Variants in MAN2A2 observed in about 807,000 individuals in gnomAD.
MAN2A2 encodes alpha-mannosidase 2x.
MAN2A2 carries 79 observed loss-of-function variants against 126.8 expected under a neutral mutation model. The ratio of observed to expected loss-of-function variants is 0.62; its 90% CI spans 0.52 to 0.75. The LOEUF (loss-of-function observed/expected upper bound fraction) is 0.75. Among genes scored for constraint, MAN2A2 ranks in the 30% least tolerant of loss-of-function variants. The probability of loss-of-function intolerance (pLI) is 0.00; values close to 1 mark genes in which losing one functional copy is unlikely to be tolerated. For synonymous variants in MAN2A2, 671 were observed against 618.7 expected, an observed-to-expected ratio of 1.08 and a Z score of -1.25; for missense variants, 1,392 against 1,522.4, an observed-to-expected ratio of 0.91 and a Z score of 1.43.
At chr15:90,918,414 T>A in intron 21 of MAN2A2, 26 bp downstream of exon 21, 1 of 1,604,262 alleles carries the variant, frequency 6.2e-7, no homozygotes. Flanking sequence ...CGTGACATGC[T>A]GAGAGCAGAG....
rs1206244897 is a variant in MAN2A2 at position 90,905,338 on chromosome 15, T to C, written c.220T>C (p.Ser74Pro). 1 of 1,613,808 alleles carries C rather than the reference T, an allele frequency of 6.2e-7. No homozygotes were observed. Among genetic ancestry groups the C allele is most frequent in the African/African-American group, 1.3e-5 (1 of 74,918 alleles). Residue 74 changes from serine (S) to proline (P), a missense_variant, in exon 3 of 23, where the codon TCC becomes CCC. By Grantham distance (74) the Ser-to-Pro change is moderately conservative. Transcript: ENST00000559717. Reference sequence around the variant, plus strand: ...TGAGATTATCAGCCATATCAAGGACTCCGTGCTGGAGCTGACAGCCAACGC... The same window carrying C: ...TGAGATTATCAGCCATATCAAGGACCCCGTGCTGGAGCTGACAGCCAACGC... ...NHEIISHIKD[S>P]VLELTANAEG... is the part of the protein sequence containing the mutation.
At chr15:90,916,508 C>T in intron 20 of MAN2A2, 1 of 1,334,458 alleles carries the variant, frequency 7.5e-7, no homozygotes. Flanking sequence ...TCTGTGCTGC[C>T]CTCCTCTGCC....
At chr15:90,907,200 G>C in intron 7 of MAN2A2, 109 bp from the exon 8 acceptor site, 3 of 1,147,246 alleles carry the variant, frequency 2.6e-6, no homozygotes, top group Non-Finnish European at 3.8e-6. Flanking sequence ...CCTAGGTCCA[G>C]TTACAGCCTC....
chr15:90,913,850 T>C, intron 19 of MAN2A2, 95 bp downstream of exon 19: 2 of 1,431,216 alleles, frequency 1.4e-6, no homozygotes, highest in Admixed American at 2.6e-5. Flanking sequence ...CTCCCTTGCC[T>C]CTTTCTGGAC....
intron 7 of MAN2A2, 41 bp from the exon 8 acceptor site, chr15:90,907,268 G>A (rs1370410391): frequency 6.3e-7 from 1 of 1,590,924 alleles, no homozygotes; most frequent in South Asian, 1.1e-5. Flanking sequence ...GGCGTCCAGA[G>A]GCTGCCTGCT....
Position 90,903,412 on chromosome 15 carries a change from GTCCTCCT to G in MAN2A2, c.-31_-25del. 6.5e-6 allele frequency: 1 copy of G among 152,870 alleles called. No individual in the cohort carries two copies. Among genetic ancestry groups the G allele is most frequent in the Non-Finnish European group, 1.5e-5 (1 of 68,458 alleles). 9.5% of individuals were successfully genotyped at this position (152,870 alleles called of 1,614,324 possible). ...GCCCACGCTCGGCTCCGCAGTTAGC[GTCCTCCT>G]TCCTCCTGAGCAGGCAAGCGGAGCC... On this transcript the variant is annotated 5_prime_UTR_variant, in exon 1 of 23. Coordinates refer to ENST00000559717, the MANE Select transcript of MAN2A2 (RefSeq NM_006122.4).
intron 8 of MAN2A2, among the ~76,000 whole-genome samples, 189 bp from the exon 9 acceptor site, chr15:90,909,138 G>A (rs979005399): frequency 1.3e-5 from 2 of 152,182 alleles, no homozygotes; most frequent in African/African-American, 2.4e-5. Flanking sequence ...CATGTCAGCT[G>A]TCAGAACTGC....
In MAN2A2 at chr15:90,910,571, C is replaced by T. The variant is rs1375774893; in HGVS notation, c.1648C>T (p.Leu550=). The T allele has an allele frequency of 1.9e-6, 3 of 1,614,190 alleles. No homozygotes were observed. Among genetic ancestry groups the T allele is most frequent in the African/African-American group, 1.3e-5 (1 of 75,048 alleles). The change falls in exon 11 of 23, where the codon CTG becomes TTG. Residue 550 remains leucine (L), a synonymous_variant. Coordinates refer to ENST00000559717, the MANE Select transcript of MAN2A2 (RefSeq NM_006122.4). The part of the protein sequence containing the change: ...RRSGLAGRYP[L]SDFTLLTEAR... ...CTCTGGTCTGGCTGGCCGGTACCCACTGTCTGATTTCACCCTCCTGACGGA... is the reference window on the plus strand; with the variant it reads ...CTCTGGTCTGGCTGGCCGGTACCCATTGTCTGATTTCACCCTCCTGACGGA...
chr15:90,908,912 G>A (rs896922669), intron 8 of MAN2A2, among the ~76,000 whole-genome samples: 1 of 152,092 alleles, frequency 6.6e-6, no homozygotes, highest in Non-Finnish European at 1.5e-5. Flanking sequence ...CATTATATGG[G>A]TACCTACGGA....
chr15:90,904,524 AGAAG>A (rs2034100972), intron 2 of MAN2A2, among the ~76,000 whole-genome samples, 185 bp downstream of exon 2: 1 of 106,586 alleles, frequency 9.4e-6, no homozygotes, highest in African/African-American at 5.2e-5. Context: ...GATGGCGAAA[AGAAG>A]GAAGGAAGAA....
rs201522267 is a variant in MAN2A2, at chr15:90,904,346, C to G, written c.132+7C>G. On this transcript the variant is annotated splice_region_variant and intron_variant, in intron 2 of 22. Coordinates refer to ENST00000559717, the MANE Select transcript of MAN2A2 (RefSeq NM_006122.4). Reference sequence around the variant, plus strand: ...TGGTGGGAACTTCCCCCGGGTGAGTCGTGCCTGGTTGCTAATTTCTTTGTA... The same window carrying G: ...TGGTGGGAACTTCCCCCGGGTGAGTGGTGCCTGGTTGCTAATTTCTTTGTA... 23 of 1,612,056 alleles carry G rather than the reference C, an allele frequency of 1.4e-5. No individual in the cohort carries two copies. The highest frequency in any genetic ancestry group is 1.8e-5 in the Non-Finnish European group (21 of 1,178,388).
intron 7 of MAN2A2, 85 bp from the exon 8 acceptor site, chr15:90,907,224 G>T (rs1344727804): frequency 9.5e-6 from 13 of 1,361,526 alleles, no homozygotes; most frequent in African/African-American, 2.9e-5. Context: ...GTCTATCAGG[G>T]CTGCCTTTAG....
chr15:90,905,870 C>T lies in MAN2A2; in HGVS notation c.561C>T (p.Tyr187=). The part of the protein sequence containing the change: ...DPGWIKTFDK[Y]YTEQTQHILN... ...GCTGGATCAAGACCTTTGACAAGTACTACACAGAGCAGACCCAACACATCC... is the reference window on the plus strand; with the variant it reads ...GCTGGATCAAGACCTTTGACAAGTATTACACAGAGCAGACCCAACACATCC... Residue 187 remains tyrosine (Y), a synonymous_variant, in exon 5 of 23, where the codon TAC becomes TAT. Transcript: ENST00000559717. 3.2e-6 allele frequency: 5 copies of T among 1,582,196 alleles called. No homozygotes were observed. The highest frequency in any genetic ancestry group is 3.4e-6 in the Non-Finnish European group (4 of 1,163,942).
At chr15:90,908,518 A>T (rs1012814866) in intron 8 of MAN2A2, among the ~76,000 whole-genome samples, 1 of 152,140 alleles carries the variant, frequency 6.6e-6, no homozygotes, top group Non-Finnish European at 1.5e-5. Context: ...CCCATTATGT[A>T]CCAGGCACTA....
Position 90,910,501 on chromosome 15 carries a change from G to C in MAN2A2, c.1578G>C (p.Arg526=). The change falls in exon 11 of 23, where the codon CGG becomes CGC. Residue 526 remains arginine (R), a splice_region_variant and synonymous_variant. Coordinates refer to ENST00000559717, the MANE Select transcript of MAN2A2 (RefSeq NM_006122.4). ...GCAGCTAACTTCTCTCTCTGGGCAG[G>C]GGGGCAGAGGTTCTGTACAGCCTGG... is the stretch of plus-strand genomic sequence containing the variant. ...SLDRVLEAHL[R]GAEVLYSLAA... 2 of 1,613,802 alleles carry C rather than the reference G, an allele frequency of 1.2e-6. No homozygotes were observed. The highest frequency in any genetic ancestry group is 1.7e-6 in the Non-Finnish European group (2 of 1,179,972).
At position 90,910,116 on chromosome 15, in the gene MAN2A2, T is replaced by C. The variant is rs757491370; in HGVS notation, c.1401T>C (p.Tyr467=). 4 of 1,613,340 alleles carry C rather than the reference T, an allele frequency of 2.5e-6. No homozygotes were observed. The highest frequency in any genetic ancestry group is 4.5e-5 in the East Asian group (2 of 44,894). ...CCCAGTTTGGCACTCTTTCTGACTATTTTGATGCCCTGTACAAGAGGACAG... is the reference window on the plus strand; with the variant it reads ...CCCAGTTTGGCACTCTTTCTGACTACTTTGATGCCCTGTACAAGAGGACAG... ...VQAQFGTLSD[Y]FDALYKRTGV... is the part of the protein sequence containing the mutation. The change falls in exon 10 of 23, where the codon TAT becomes TAC. Residue 467 remains tyrosine (Y), a synonymous_variant. Coordinates refer to ENST00000559717, the MANE Select transcript of MAN2A2 (RefSeq NM_006122.4).
rs754919032 is a variant in MAN2A2 at position 90,913,397 on chromosome 15, T to C, written c.2709T>C (p.Asn903=). ...AGGGTATCTTCTTCACAGACCTCAA[T>C]GGCTTTCAGGTGACTCCTGGGCCTG... ...DSQGIFFTDL[N]GFQVQPRRYL... is the part of the protein sequence containing the mutation. The change falls in exon 18 of 23, where the codon AAT becomes AAC. Residue 903 remains asparagine (N), a synonymous_variant. Coordinates refer to ENST00000559717, the MANE Select transcript of MAN2A2 (RefSeq NM_006122.4). 3 of 1,588,444 alleles carry C rather than the reference T, an allele frequency of 1.9e-6. No individual in the cohort carries two copies. The highest frequency in any genetic ancestry group is 2.7e-5 in the African/African-American group (2 of 74,260).
At position 90,911,436 on chromosome 15, in the gene MAN2A2, C is replaced by T. The variant is rs373336368; in HGVS notation, c.1995C>T (p.Ser665=). 2.5e-6 allele frequency: 4 copies of T among 1,614,124 alleles called. No homozygotes were observed. Among genetic ancestry groups the T allele is most frequent in the African/African-American group, 2.7e-5 (2 of 74,938 alleles). ...PLEQERFSMV[S]LLVNSPRVRV... ...AACAGGAGCGATTCAGCATGGTGTCCCTGCTGGTCAACTCTCCCCGCGTGC... is the reference window on the plus strand; with the variant it reads ...AACAGGAGCGATTCAGCATGGTGTCTCTGCTGGTCAACTCTCCCCGCGTGC... Residue 665 remains serine (S), a synonymous_variant, in exon 14 of 23, where the codon TCC becomes TCT. Coordinates refer to ENST00000559717, the MANE Select transcript of MAN2A2 (RefSeq NM_006122.4).
rs767078385 is a variant in MAN2A2 at position 90,906,457 on chromosome 15, C to G, written c.795C>G (p.Asp265Glu). The part of the protein sequence containing the change: ...EANSHYFALI[D>E]QLIEGHQWLE... Reference sequence around the variant, plus strand: ...ATTCCCACTACTTTGCATTGATTGACCAGCTCATCGAAGGACACCAGTGGC... The same window carrying G: ...ATTCCCACTACTTTGCATTGATTGAGCAGCTCATCGAAGGACACCAGTGGC... Residue 265 changes from aspartate (D) to glutamate (E), a missense_variant, in exon 6 of 23, where the codon GAC becomes GAG. Physicochemically the swap from Asp to Glu is conservative, Grantham distance 45. Coordinates refer to ENST00000559717, the MANE Select transcript of MAN2A2 (RefSeq NM_006122.4). The G allele has an allele frequency of 6.2e-7, 1 of 1,614,142 alleles. No homozygotes were observed. The highest frequency in any genetic ancestry group is 8.5e-7 in the Non-Finnish European group (1 of 1,180,002).
Sources: gnomAD v4.1 joint callset for allele counts (sites outside exome capture counted in the v4.1 genomes callset) on GRCh38, gnomAD v4.1.1 for gene constraint, MANE v1.5 for transcripts, NCBI Gene and HGNC (gene_info 2026-07-23, HGNC 2026-07-21) for gene names.